Variants in CRYM observed in about 807,000 individuals in gnomAD.
CRYM encodes crystallin mu, also known as ketimine reductase mu-crystallin.
A neutral mutation model predicts 32.9 loss-of-function variants in CRYM; 18 were observed. The observed-to-expected ratio is 0.55, with a 90% CI of 0.38 to 0.81. CRYM has a LOEUF of 0.81. Among genes scored for constraint, CRYM ranks in the 30% least tolerant of loss-of-function variants. CRYM has a pLI of 0.00. For synonymous variants in CRYM, 153 were observed against 152.4 expected (o/e 1.00, Z -0.03); for missense variants, 337 against 393.5 (o/e 0.86, Z 1.21).
chr16:21,278,345 C>T, upstream of CRYM: 1 of 1,473,064 alleles, frequency 6.8e-7, no homozygotes, highest in South Asian at 1.2e-5. Flanking sequence ...CTCTGTGGAG[C>T]CGCCTGCTGG....
At chr16:21,281,053 C>T (rs1026279906), upstream of CRYM, among the ~76,000 whole-genome samples, 5 of 150,928 alleles carry the variant, frequency 3.3e-5, no homozygotes, top group African/African-American at 1.2e-4. Context: ...TGCAGTGAGC[C>T]GAGATCGTGC....
intron 1 of CRYM, among the ~76,000 whole-genome samples, chr16:21,290,156 G>T (rs573920698): frequency 6.6e-6 from 1 of 152,130 alleles, no homozygotes; most frequent in Admixed American, 6.5e-5. Flanking sequence ...GGCAATGTCG[G>T]ATCCCCTTCC....
upstream of CRYM, chr16:21,278,346 C>T (rs1272554457): frequency 8.8e-6 from 13 of 1,469,082 alleles, no homozygotes; most frequent in Admixed American, 2.4e-4. Context: ...TCTGTGGAGC[C>T]GCCTGCTGGT....
At chr16:21,272,868 A>G (rs1417322320) in intron 3 of CRYM, among the ~76,000 whole-genome samples, 1 of 93,942 alleles carries the variant, frequency 1.1e-5, no homozygotes, top group Non-Finnish European at 1.9e-5. Context: ...GGGTTTTTCC[A>G]TGTTGGTCAG....
intron 3 of CRYM, among the ~76,000 whole-genome samples, chr16:21,274,759 C>A (rs2093382699): frequency 6.6e-6 from 1 of 152,100 alleles, no homozygotes; most frequent in African/African-American, 2.4e-5. Flanking sequence ...GCGCCCACCA[C>A]CACGACCAGC....
intron 3 of CRYM, among the ~76,000 whole-genome samples, chr16:21,274,886 G>A (rs1048479461): frequency 6.6e-6 from 1 of 152,186 alleles, no homozygotes; most frequent in African/African-American, 2.4e-5. Flanking sequence ...GATTACAGGC[G>A]TGAGCCACTG....
intron 6 of CRYM, 196 bp from the exon 7 acceptor site, chr16:21,261,534 T>C: frequency 1.6e-6 from 1 of 611,356 alleles, no homozygotes; most frequent in Admixed American, 2.9e-5. Flanking sequence ...TGGGGTGGCA[T>C]TTGCTTTTGT....
At chr16:21,283,365 AC>A (rs1348744282) in intron 1 of CRYM, 1 of 152,228 alleles carries the variant, frequency 6.6e-6, no homozygotes, top group Non-Finnish European at 1.5e-5. Flanking sequence ...AAAATTTTCA[AC>A]AAAGACGGCT....
chr16:21,261,638 A>G, intron 6 of CRYM: 2 of 502,180 alleles, frequency 4.0e-6, no homozygotes, highest in South Asian at 4.3e-5. Flanking sequence ...TGTTATCTGA[A>G]CATGCATGCC....
chr16:21,278,598 A>C, upstream of CRYM: 6 of 346,700 alleles, frequency 1.7e-5, no homozygotes, highest in Non-Finnish European at 2.7e-5. Context: ...CTCCCTATTA[A>C]CTCGCTTTTT....
intron 1 of CRYM, among the ~76,000 whole-genome samples, chr16:21,286,193 C>T (rs1487864378): frequency 3.3e-5 from 5 of 151,516 alleles, no homozygotes; most frequent in Admixed American, 1.3e-4. Flanking sequence ...TGACAAATCT[C>T]TTAGAATAGA....
intron 1 of CRYM, among the ~76,000 whole-genome samples, chr16:21,302,559 C>T (rs1310754662): frequency 6.6e-6 from 1 of 152,142 alleles, no homozygotes; most frequent in African/African-American, 2.4e-5. Context: ...CAAAGTGGGG[C>T]AGGGTTTTTA....
At chr16:21,288,786 A>G (rs950894798) in intron 1 of CRYM, among the ~76,000 whole-genome samples, 24 of 151,988 alleles carry the variant, frequency 1.6e-4, no homozygotes, top group Non-Finnish European at 2.9e-5. Flanking sequence ...GGTATACCAT[A>G]TTTTTGTTTT....
intron 3 of CRYM, among the ~76,000 whole-genome samples, chr16:21,274,435 T>C (rs748797486): frequency 2.0e-5 from 3 of 152,194 alleles, no homozygotes; most frequent in Non-Finnish European, 2.9e-5. Context: ...TGCTTTATCT[T>C]CACCTAACAT....
intron 1 of CRYM, among the ~76,000 whole-genome samples, chr16:21,289,249 G>C (rs963405886): frequency 1.3e-5 from 2 of 152,010 alleles, no homozygotes; most frequent in Non-Finnish European, 2.9e-5. Flanking sequence ...TATATTTTAG[G>C]GCTGTGTTGT....
chr16:21,293,408 A>G (rs955262948), intron 1 of CRYM, among the ~76,000 whole-genome samples: 2 of 152,208 alleles, frequency 1.3e-5, no homozygotes, highest in African/African-American at 4.8e-5. Context: ...TCTGCAGAAA[A>G]GAGAATACGG....
chr16:21,262,402 GA>G, intron 5 of CRYM: 1 of 415,822 alleles, frequency 2.4e-6, no homozygotes, highest in Non-Finnish European at 4.5e-6. Context: ...CAGATCACTT[GA>G]AGCCAGGAGT....
rs560158088 is a variant in CRYM at position 21,293,275 on chromosome 16, CTG to C, written c.-193+9701_-193+9702del. On this transcript the variant is annotated intron_variant, in intron 1 of 9. Transcript: ENST00000219599. ...CCCAGTAGGAAGAAGGTTGTGAAAA[CTG>C]TGCATTCTAAAAGACAGCGTAGATT... 3.7e-3 allele frequency among the ~76,000 whole-genome samples: 557 copies of C among 152,298 alleles called. 5 individuals carry two copies. The highest frequency in any genetic ancestry group is 0.012 in the African/African-American group (516 of 41,540).
chr16:21,291,333 C>T (rs1314469101), intron 1 of CRYM, among the ~76,000 whole-genome samples: 1 of 152,110 alleles, frequency 6.6e-6, no homozygotes, highest in Non-Finnish European at 1.5e-5. Flanking sequence ...AATTACAGTA[C>T]AGAAAGTGAG....
Sources: gnomAD v4.1 joint callset for allele counts (sites outside exome capture counted in the v4.1 genomes callset) on GRCh38, gnomAD v4.1.1 for gene constraint, MANE v1.5 for transcripts, NCBI Gene and HGNC (gene_info 2026-07-23, HGNC 2026-07-21) for gene names.